The following CNNM3 variants were observed in gnomAD, a reference collection of about 807,000 sequenced individuals.
CNNM3 encodes cyclin and CBS domain divalent metal cation transport mediator 3.
CNNM3 carries 47 observed loss-of-function variants against 57.1 expected under a neutral mutation model. The observed-to-expected ratio is 0.82, with a 90% CI of 0.65 to 1.05. The LOEUF (loss-of-function observed/expected upper bound fraction) is 1.05, where lower values mean the gene tolerates loss of function less well. Ranked by LOEUF, CNNM3 falls within the 50% of genes least tolerant of loss-of-function variation. The pLI is 0.00. For synonymous variants in CNNM3, 507 were observed against 478.2 expected, an observed-to-expected ratio of 1.06 and a Z score of -0.79; for missense variants, 957 against 973.7, an observed-to-expected ratio of 0.98 and a Z score of 0.23.
intron 5 of CNNM3, 117 bp from the exon 6 acceptor site, chr2:96,828,450 G>A: frequency 2.3e-6 from 3 of 1,298,768 alleles, no homozygotes; most frequent in Non-Finnish European, 3.2e-6. Context: ...CATGCACATT[G>A]CCTCTCCAGA....
intron 7 of CNNM3, among the ~76,000 whole-genome samples, chr2:96,829,698 TTAGAG>T (rs1413303205): frequency 2.0e-5 from 3 of 152,040 alleles, no homozygotes; most frequent in South Asian, 2.1e-4. Context: ...TAACTGGTAT[TTAGAG>T]TAGAGTATAG....
At chr2:96,828,781 C>T in intron 6 of CNNM3, 81 bp downstream of exon 6, 1 of 1,577,284 alleles carries the variant, frequency 6.3e-7, no homozygotes, top group African/African-American at 1.3e-5. Context: ...TCTGAGACTG[C>T]CCGGAACAAG....
intron 6 of CNNM3, 120 bp downstream of exon 6, chr2:96,828,820 C>A: frequency 6.7e-7 from 1 of 1,485,494 alleles, no homozygotes; most frequent in Non-Finnish European, 9.2e-7. Flanking sequence ...GGGACACAGA[C>A]CTTTGCACCC....
chr2:96,831,080 T>G (rs1476221747), intron 7 of CNNM3, among the ~76,000 whole-genome samples: 1 of 152,204 alleles, frequency 6.6e-6, no homozygotes, highest in Non-Finnish European at 1.5e-5. Flanking sequence ...ACCCGGAGAT[T>G]TTTAAATAAT....
In CNNM3 at chr2:96,829,028, G is replaced by A; in HGVS notation, c.1953G>A (p.Leu651=). The A allele has an allele frequency of 6.2e-7, 1 of 1,613,958 alleles. No individual in the cohort carries two copies. The highest frequency in any genetic ancestry group is 8.5e-7 in the Non-Finnish European group (1 of 1,179,974). The change falls in exon 7 of 8, where the codon CTG becomes CTA. Residue 651 remains leucine, a synonymous_variant. Coordinates refer to ENST00000305510, the MANE Select transcript of CNNM3 (RefSeq NM_017623.5). ...VTRLQYLNAL[L]ATRAQNLPQS... ...GACTGCAGTACCTCAATGCACTCCT[G>A]GCTACCCGAGCCCAGAACCTGCCAC...
At chr2:96,827,140 A>G (rs2079521695) in intron 3 of CNNM3, among the ~76,000 whole-genome samples, 158 bp downstream of exon 3, 1 of 152,110 alleles carries the variant, frequency 6.6e-6, no homozygotes, top group African/African-American at 2.4e-5. Context: ...ATCTTGGGTC[A>G]TGGGAGAGAC....
chr2:96,833,040 C>A lies in CNNM3; in HGVS notation c.*424C>A, dbSNP rs1030967946. The A allele has an allele frequency of 1.3e-5, 17 of 1,294,770 alleles. No individual in the cohort carries two copies. The highest frequency in any genetic ancestry group is 4.0e-6 in the Non-Finnish European group (4 of 991,680). The allele number at this position is 1,294,770 out of a possible 1,614,324, so 80.2% of individuals were successfully genotyped here. On this transcript the variant is annotated 3_prime_UTR_variant, in exon 8 of 8. Transcript: ENST00000305510. ...ATTTGTTTGCTTTTAATTTGCCAAC[C>A]TATCGCTGCTGGCAGCACTTTTTGA... is the stretch of plus-strand genomic sequence containing the variant.
chr2:96,821,244 A>AT (rs2079402112), intron 1 of CNNM3, among the ~76,000 whole-genome samples: 1 of 151,702 alleles, frequency 6.6e-6, no homozygotes, highest in African/African-American at 2.4e-5. Context: ...AAATATCTTT[A>AT]TTTTTTCCGT....
rs911167575 is a variant in CNNM3, at chr2:96,824,919, A to C, written c.1226-139A>C. ...CTGGGAGTCTTAAGTAAAAACCTAG[A>C]AAAGAGTGTGGCTCTGTGCCTGGCA... On this transcript the variant is annotated intron_variant, in intron 1 of 7. Coordinates refer to ENST00000305510, the MANE Select transcript of CNNM3 (RefSeq NM_017623.5). 5 of 891,060 alleles carry C rather than the reference A, an allele frequency of 5.6e-6. No homozygotes were observed. In the African/African-American group the frequency reaches 6.8e-5, roughly 12 times the overall value. The allele number at this position is 891,060 out of a possible 1,614,324, so 55.2% of individuals were successfully genotyped here.
chr2:96,825,847 G>A (rs1264582222), intron 2 of CNNM3, among the ~76,000 whole-genome samples: 1 of 150,780 alleles, frequency 6.6e-6, no homozygotes, highest in Non-Finnish European at 1.5e-5. Context: ...GTTGCAGTGA[G>A]TTGAGATCAC....
Position 96,833,078 on chromosome 2 carries a change from C to A in CNNM3, c.*462C>A. On this transcript the variant is annotated 3_prime_UTR_variant, in exon 8 of 8. Transcript: ENST00000305510. Reference sequence around the variant, plus strand: ...CAGCACTTTTTGAGCAAGCCGAGAGCACCCATTTTGGCTGGGGGTTCAGAT... The same window carrying A: ...CAGCACTTTTTGAGCAAGCCGAGAGAACCCATTTTGGCTGGGGGTTCAGAT... 1.6e-6 allele frequency: 2 copies of A among 1,221,870 alleles called. No homozygotes were observed. The highest frequency in any genetic ancestry group is 2.2e-6 in the Non-Finnish European group (2 of 928,158). 75.7% of individuals were successfully genotyped at this position (1,221,870 alleles called of 1,614,324 possible).
downstream of CNNM3, chr2:96,837,377 A>C (rs2079703614): frequency 6.6e-6 from 1 of 152,172 alleles, no homozygotes. Flanking sequence ...ACGTTTTATA[A>C]TTTTCAGCAT....
At chr2:96,828,842 A>G in intron 6 of CNNM3, 142 bp downstream of exon 6, 3 of 1,477,478 alleles carry the variant, frequency 2.0e-6, no homozygotes, top group Non-Finnish European at 2.8e-6. Flanking sequence ...GTTTCCAAGC[A>G]AGGTCTTAAA....
chr2:96,824,845 T>C (rs959139874), intron 1 of CNNM3: 6 of 591,944 alleles, frequency 1.0e-5, no homozygotes, highest in Non-Finnish European at 1.8e-5. Flanking sequence ...ATGAGCCCAC[T>C]GCTTCATTTT....
intron 1 of CNNM3, among the ~76,000 whole-genome samples, chr2:96,820,683 T>G (rs1206320167): frequency 6.6e-6 from 1 of 152,040 alleles, no homozygotes; most frequent in Non-Finnish European, 1.5e-5. Flanking sequence ...AAGAGCAGAT[T>G]TGGTGCCACG....
chr2:96,829,461 T>C (rs1020645169), intron 7 of CNNM3, among the ~76,000 whole-genome samples: 35 of 151,608 alleles, frequency 2.3e-4, no homozygotes, highest in Non-Finnish European at 1.5e-4. Flanking sequence ...CGACCACGCC[T>C]GGCCAATTTT....
rs1461803680 is a variant in CNNM3 at position 96,831,766 on chromosome 2, C to T, written c.2060-786C>T. ...AAGGCAGTCCCCACACTGTGCAGCC[C>T]TCCATGCTGTGCTCCTGGCTTTCTC... On this transcript the variant is annotated intron_variant, in intron 7 of 7. Coordinates refer to ENST00000305510, the MANE Select transcript of CNNM3 (RefSeq NM_017623.5). 2.6e-5 allele frequency among the ~76,000 whole-genome samples: 4 copies of T among 152,368 alleles called. No homozygotes were observed. The South Asian group carries it at 8.3e-4, about 32-fold the overall frequency.
In CNNM3 at chr2:96,816,304, T is replaced by C; in HGVS notation, c.27T>C (p.Gly9=). The change falls in exon 1 of 8, where the codon GGT becomes GGC. Residue 9 remains glycine (G), a synonymous_variant. Transcript: ENST00000305510. ...TGGCGGCGGCGGTAGCTGCGGCGGG[T>C]CGGTTAGGCTGGTTGTTCGCCGCGC... MAAAVAAA[G]RLGWLFAALC... is the part of the protein sequence containing the mutation. The C allele has an allele frequency of 1.6e-6, 2 of 1,277,048 alleles. No individual in the cohort carries two copies. Among genetic ancestry groups the C allele is most frequent in the East Asian group, 3.1e-5 (1 of 32,186 alleles). 79.1% of individuals were successfully genotyped at this position (1,277,048 alleles called of 1,614,324 possible). A position where few individuals can be genotyped will look rare whatever the true frequency, so the allele number is the denominator to read the frequency against.
At chr2:96,824,153 C>T (rs1390117266) in intron 1 of CNNM3, among the ~76,000 whole-genome samples, 2 of 152,130 alleles carry the variant, frequency 1.3e-5, no homozygotes, top group African/African-American at 4.8e-5. Context: ...ATGAAAAGCA[C>T]TTATCTGAGA....
Sources: gnomAD v4.1 joint callset for allele counts (sites outside exome capture counted in the v4.1 genomes callset) on GRCh38, gnomAD v4.1.1 for gene constraint, MANE v1.5 for transcripts, NCBI Gene and HGNC (gene_info 2026-07-23, HGNC 2026-07-21) for gene names.